ARHGAP26: variants seen among roughly 807,000 people sequenced by gnomAD.
ARHGAP26 encodes Rho GTPase activating protein 26, also known as rho GTPase-activating protein 26.
Under a neutral mutation model 104.8 loss-of-function variants are expected in ARHGAP26, and 38 were observed. The observed-to-expected ratio is 0.36, with a 90% confidence interval of 0.28 to 0.48. ARHGAP26 has a LOEUF of 0.48. ARHGAP26 is among the 20% of genes least tolerant of loss of function. ARHGAP26 has a pLI of 0.99. For missense variants in ARHGAP26, 704 were observed against 947.9 expected (o/e 0.74, Z 3.38); for synonymous variants, 341 against 340.0 (o/e 1.00, Z -0.03).
intron 3 of ARHGAP26, among the ~76,000 whole-genome samples, chr5:142,876,693 C>T (rs778681335): frequency 5.6e-5 from 8 of 143,514 alleles, no homozygotes; most frequent in Non-Finnish European, 1.0e-4. Flanking sequence ...AGGAGGATCG[C>T]TTGTGCCAGG....
intron 11 of ARHGAP26, among the ~76,000 whole-genome samples, chr5:142,977,796 A>G (rs1274249469): frequency 1.3e-5 from 2 of 152,252 alleles, no homozygotes; most frequent in African/African-American, 4.8e-5. Flanking sequence ...GGAGGAAGTC[A>G]GTGAGTCAGA....
chr5:143,096,325 A>T (rs1043431188), intron 17 of ARHGAP26, among the ~76,000 whole-genome samples: 1 of 152,220 alleles, frequency 6.6e-6, no homozygotes, highest in African/African-American at 2.4e-5. Context: ...GCAGATCCAG[A>T]TTTTCTAAAA....
intron 1 of ARHGAP26, among the ~76,000 whole-genome samples, chr5:142,858,061 CTGTGTGTGTG>C (rs746146391): frequency 7.4e-6 from 1 of 134,314 alleles, no homozygotes; most frequent in African/African-American, 2.9e-5. Context: ...GAGAGAGAAT[CTGTGTGTGTG>C]TGTGTGTGTG....
chr5:143,192,813 C>G (rs1270684904), intron 20 of ARHGAP26, among the ~76,000 whole-genome samples: 1 of 152,180 alleles, frequency 6.6e-6, no homozygotes, highest in African/African-American at 2.4e-5. Context: ...TTTTGCTTGG[C>G]TCTTCTTCCC....
chr5:143,147,341 C>A lies in ARHGAP26; in HGVS notation c.1948C>A (p.Pro650Thr). The change falls in exon 20 of 23, where the codon CCA becomes ACA. Residue 650 changes from proline to threonine, a missense_variant. This residue lies in a region of ARHGAP26 where 217 missense variants were observed against 242.6 expected (regional missense o/e 0.89). Coordinates refer to ENST00000645722, the MANE Select transcript of ARHGAP26 (RefSeq NM_001135608.3). ...SLQPNMNSSD[P>T]DLAVVKPTRP... ...ACAGCCCAACATGAACTCCAGTGAC[C>A]CAGACCTGGCTGTGGTCAAACCCAC... The A allele has an allele frequency of 6.2e-7, 1 of 1,613,980 alleles. No individual in the cohort carries two copies. Among genetic ancestry groups the A allele is most frequent in the East Asian group, 2.2e-5 (1 of 44,842 alleles).
At chr5:142,838,003 A>G (rs1228665756) in intron 1 of ARHGAP26, among the ~76,000 whole-genome samples, 1 of 152,150 alleles carries the variant, frequency 6.6e-6, no homozygotes, top group Admixed American at 6.5e-5. Flanking sequence ...TCATGCCTGT[A>G]GTTCTGGCAC....
intron 22 of ARHGAP26, among the ~76,000 whole-genome samples, chr5:143,215,641 A>C (rs983962050): frequency 6.6e-6 from 1 of 152,096 alleles, no homozygotes; most frequent in Non-Finnish European, 1.5e-5. Context: ...ACCCATTTCC[A>C]TCCAGCCCAA....
At chr5:142,776,418 C>T (rs1320605022) in intron 1 of ARHGAP26, among the ~76,000 whole-genome samples, 1 of 152,232 alleles carries the variant, frequency 6.6e-6, no homozygotes, top group Non-Finnish European at 1.5e-5. Context: ...CCTGAAGCCT[C>T]ATACAACCAC....
chr5:142,899,876 G>T (rs1256598355), intron 6 of ARHGAP26, among the ~76,000 whole-genome samples: 3 of 152,204 alleles, frequency 2.0e-5, no homozygotes, highest in Non-Finnish European at 4.4e-5. Flanking sequence ...CCTGCCTTTG[G>T]GGAGCACTTG....
At chr5:142,869,308 G>C (rs565071238) in intron 1 of ARHGAP26, among the ~76,000 whole-genome samples, 1 of 150,460 alleles carries the variant, frequency 6.6e-6, no homozygotes, top group Non-Finnish European at 1.5e-5. Flanking sequence ...CCGGGTTCAC[G>C]CGATTCTCCT....
At chr5:142,954,556 C>G (rs557657124) in intron 11 of ARHGAP26, among the ~76,000 whole-genome samples, 7 of 152,274 alleles carry the variant, frequency 4.6e-5, no homozygotes, top group African/African-American at 1.4e-4. Context: ...TTAGTCCACA[C>G]TCCCTGGCTT....
chr5:143,061,125 G>GA (rs1158373962), intron 17 of ARHGAP26, among the ~76,000 whole-genome samples: 4 of 152,078 alleles, frequency 2.6e-5, no homozygotes, highest in Admixed American at 2.6e-4. Context: ...ACTTTTGCAA[G>GA]AAAAAAATCA....
intron 11 of ARHGAP26, among the ~76,000 whole-genome samples, chr5:142,966,370 C>G (rs1771330726): frequency 6.6e-6 from 1 of 152,052 alleles, no homozygotes; most frequent in South Asian, 2.1e-4. Context: ...TTTGACATAC[C>G]TGATCTCATT....
intron 1 of ARHGAP26, among the ~76,000 whole-genome samples, chr5:142,824,171 C>T (rs192005492): frequency 2.0e-5 from 3 of 152,210 alleles, no homozygotes; most frequent in Non-Finnish European, 2.9e-5. Context: ...CTGCAGTTCG[C>T]GTTCCCATGC....
At chr5:142,811,206 A>G (rs1224417403) in intron 1 of ARHGAP26, among the ~76,000 whole-genome samples, 1 of 152,102 alleles carries the variant, frequency 6.6e-6, no homozygotes, top group African/African-American at 2.4e-5. Flanking sequence ...TATTAGCACA[A>G]TGCCTGGCCT....
intron 17 of ARHGAP26, among the ~76,000 whole-genome samples, chr5:143,110,987 C>A (rs1225228834): frequency 3.3e-5 from 5 of 152,198 alleles, no homozygotes; most frequent in Admixed American, 6.5e-5. Context: ...CAATGTAGGG[C>A]AAATAAAATG....
chr5:143,139,024 G>A (rs1395538222), intron 19 of ARHGAP26, among the ~76,000 whole-genome samples: 3 of 152,128 alleles, frequency 2.0e-5, no homozygotes, highest in Admixed American at 6.5e-5. Flanking sequence ...CCTAGTCCGC[G>A]AACTCTTCCT....
chr5:142,972,819 T>C (rs1772477459), intron 11 of ARHGAP26, among the ~76,000 whole-genome samples: 1 of 152,164 alleles, frequency 6.6e-6, no homozygotes, highest in Non-Finnish European at 1.5e-5. Flanking sequence ...ACCCCAAACC[T>C]GGTAATCACT....
chr5:142,926,093 G>C (rs115291866), intron 10 of ARHGAP26, among the ~76,000 whole-genome samples: 2,121 of 152,294 alleles, frequency 0.014, 56 homozygotes, highest in African/African-American at 0.049. Flanking sequence ...GATTCTGTTT[G>C]CTCTTGGCTG....
Sources: gnomAD v4.1 joint callset for allele counts (sites outside exome capture counted in the v4.1 genomes callset) on GRCh38, gnomAD v4.1.1 for gene constraint, gnomAD v4.1.1 regional missense constraint, MANE v1.5 for transcripts, NCBI Gene and HGNC (gene_info 2026-07-23, HGNC 2026-07-21) for gene names.